The following DLGAP1 variants were observed in gnomAD, a reference collection of about 807,000 sequenced individuals.
DLGAP1 encodes the protein disks large-associated protein 1.
A neutral mutation model predicts 90.8 loss-of-function variants in DLGAP1; 11 were observed. The ratio of observed to expected loss-of-function variants is 0.12; its 90% CI spans 0.08 to 0.20. The LOEUF is 0.20. Ranked by LOEUF, DLGAP1 falls within the 10% of genes least tolerant of loss-of-function variation. DLGAP1 has a pLI of 1.00. For synonymous variants in DLGAP1, 558 were observed against 540.7 expected (o/e 1.03, Z -0.44); for missense variants, 1,050 against 1,333.8 (o/e 0.79, Z 3.31).
intron 2 of DLGAP1, among the ~76,000 whole-genome samples, chr18:4,057,390 G>A (rs1453244859): frequency 1.3e-5 from 2 of 152,204 alleles, no homozygotes; most frequent in Non-Finnish European, 2.9e-5. Context: ...AAGTGAGCAT[G>A]TGTACAACTC....
chr18:4,066,726 G>A lies in DLGAP1; in HGVS notation c.-158-61525C>T, dbSNP rs182855130. Among the ~76,000 whole-genome samples, 91 of 152,174 alleles carry A rather than the reference G, an allele frequency of 6.0e-4. 2 individuals carry two copies. Among genetic ancestry groups the A allele is most frequent in the African/African-American group, 2.1e-3 (87 of 41,532 alleles). On this transcript the variant is annotated intron_variant, in intron 2 of 12. Coordinates refer to ENST00000315677, the MANE Select transcript of DLGAP1 (RefSeq NM_004746.4). ...AAAAGGAAGACTTTTACACTGTTGG[G>A]GGGGTGTAAATTAATGTAGCCATTG...
At position 4,308,762 on chromosome 18, in the gene DLGAP1, G is replaced by A. The variant is rs549290856; in HGVS notation, c.-267+146244C>T. ...TTCAATTTCTATGTGAAGAGCTGGC[G>A]GCAAATCTAATTAACAACACAAAGC... On this transcript the variant is annotated intron_variant, in intron 1 of 12. Transcript: ENST00000315677. Among the ~76,000 whole-genome samples, 4 of 152,268 alleles carry A rather than the reference G, an allele frequency of 2.6e-5. No homozygotes were observed. In the East Asian group the frequency reaches 7.7e-4, roughly 29 times the overall value.
intron 1 of DLGAP1, among the ~76,000 whole-genome samples, chr18:4,182,708 G>A (rs1456583736): frequency 6.6e-6 from 1 of 151,902 alleles, no homozygotes; most frequent in African/African-American, 2.4e-5. Flanking sequence ...AAACTTATCA[G>A]GGTTGAGATA....
chr18:4,385,472 T>C (rs2082211429), intron 1 of DLGAP1, among the ~76,000 whole-genome samples: 1 of 152,200 alleles, frequency 6.6e-6, no homozygotes, highest in South Asian at 2.1e-4. Context: ...ACTTTCATTT[T>C]TTTTTCCCAA....
At chr18:4,073,388 G>C (rs1392401893) in intron 2 of DLGAP1, among the ~76,000 whole-genome samples, 1 of 152,168 alleles carries the variant, frequency 6.6e-6, no homozygotes, top group Non-Finnish European at 1.5e-5. Flanking sequence ...TCACACTTTA[G>C]TAAGAAGAGA....
At chr18:4,367,049 C>T (rs1252502281) in intron 1 of DLGAP1, among the ~76,000 whole-genome samples, 1 of 133,068 alleles carries the variant, frequency 7.5e-6, no homozygotes, top group African/African-American at 2.7e-5. Flanking sequence ...TTTTCTTATC[C>T]TGCAGCTGCT....
chr18:4,050,120 G>A (rs541045876), intron 2 of DLGAP1, among the ~76,000 whole-genome samples: 6 of 152,214 alleles, frequency 3.9e-5, no homozygotes, highest in African/African-American at 1.4e-4. Context: ...GTGATAAGTC[G>A]CTGTCTCATG....
chr18:4,077,458 G>A (rs2075540301), intron 2 of DLGAP1, among the ~76,000 whole-genome samples: 1 of 152,122 alleles, frequency 6.6e-6, no homozygotes, highest in Non-Finnish European at 1.5e-5. Context: ...CCATGGGGGT[G>A]GAACCACATG....
intron 7 of DLGAP1, among the ~76,000 whole-genome samples, chr18:3,720,886 T>TAAAAAAAAAAAAAA (rs2061946578): frequency 1.0e-4 from 2 of 19,316 alleles, no homozygotes; most frequent in East Asian, 4.0e-3. Context: ...ACCTTGTCTC[T>TAAAAAAAAAAAAAA]ACAAAAAAAA....
At chr18:4,179,752 A>C (rs1349119474) in intron 1 of DLGAP1, among the ~76,000 whole-genome samples, 1 of 152,196 alleles carries the variant, frequency 6.6e-6, no homozygotes, top group Non-Finnish European at 1.5e-5. Context: ...TTCTATTTTA[A>C]GTACATGAAT....
intron 9 of DLGAP1, among the ~76,000 whole-genome samples, chr18:3,560,637 T>C (rs1423939303): frequency 6.7e-6 from 1 of 150,048 alleles, no homozygotes; most frequent in East Asian, 1.9e-4. Context: ...AAATGAGCAC[T>C]GGCAGCAAGC....
At chr18:4,195,544 CT>C (rs2077481268) in intron 1 of DLGAP1, among the ~76,000 whole-genome samples, 1 of 151,978 alleles carries the variant, frequency 6.6e-6, no homozygotes, top group Non-Finnish European at 1.5e-5. Flanking sequence ...CAGATGACTA[CT>C]TTTTATCTAT....
chr18:3,795,594 A>G (rs553089653), intron 5 of DLGAP1, among the ~76,000 whole-genome samples: 3 of 152,258 alleles, frequency 2.0e-5, no homozygotes, highest in East Asian at 3.9e-4. Flanking sequence ...GATTACAGGC[A>G]TGAGTCACCG....
chr18:3,620,458 C>T (rs1249821033), intron 7 of DLGAP1, among the ~76,000 whole-genome samples: 2 of 152,048 alleles, frequency 1.3e-5, no homozygotes, highest in East Asian at 1.9e-4. Context: ...AAAGCCACTC[C>T]GCTTGTGGGT....
intron 9 of DLGAP1, among the ~76,000 whole-genome samples, chr18:3,563,279 T>C (rs1228482838): frequency 6.6e-6 from 1 of 152,148 alleles, no homozygotes; most frequent in Non-Finnish European, 1.5e-5. Context: ...TTATCTTGTT[T>C]GGTATTCTCT....
At chr18:3,731,136 G>A (rs1304370654) in intron 6 of DLGAP1, among the ~76,000 whole-genome samples, 1 of 152,010 alleles carries the variant, frequency 6.6e-6, no homozygotes, top group Non-Finnish European at 1.5e-5. Context: ...ATATATATGT[G>A]TGTATGTCTA....
intron 1 of DLGAP1, among the ~76,000 whole-genome samples, chr18:4,420,251 T>A (rs1162586156): frequency 1.3e-5 from 2 of 152,156 alleles, no homozygotes; most frequent in Non-Finnish European, 2.9e-5. Flanking sequence ...AACACTTTTC[T>A]CTCATAATTG....
At chr18:3,587,368 G>A (rs2055949130) in intron 7 of DLGAP1, among the ~76,000 whole-genome samples, 1 of 152,136 alleles carries the variant, frequency 6.6e-6, no homozygotes, top group Non-Finnish European at 1.5e-5. Flanking sequence ...ATTGAGAGGT[G>A]AAGCCAGCTG....
chr18:3,936,510 C>T (rs1166317944), intron 3 of DLGAP1, among the ~76,000 whole-genome samples: 1 of 152,190 alleles, frequency 6.6e-6, no homozygotes, highest in Non-Finnish European at 1.5e-5. Flanking sequence ...GTGCTTCTTC[C>T]CCCAAGTGCC....
Sources: allele counts gnomAD v4.1 joint callset (sites outside exome capture counted in the v4.1 genomes callset), GRCh38; gene constraint gnomAD v4.1.1; transcripts MANE v1.5; gene names NCBI Gene and HGNC (gene_info 2026-07-23, HGNC 2026-07-21).